Variants in RAB43 observed in about 807,000 individuals in gnomAD.
RAB43 encodes the protein RAB43, member RAS oncogene family, also known as ras-related protein Rab-43.
A neutral mutation model predicts 18.8 loss-of-function variants in RAB43; 6 were observed. The ratio of observed to expected loss-of-function variants is 0.32; its 90% CI spans 0.17 to 0.63. The LOEUF is 0.63. Ranked by LOEUF, RAB43 falls within the 30% of genes least tolerant of loss-of-function variation. The pLI is 0.79. For synonymous variants in RAB43, 103 were observed against 124.1 expected (o/e 0.83, Z 1.13); for missense variants, 195 against 289.1 (o/e 0.67, Z 2.36).
Position 129,090,403 on chromosome 3 carries a change from TCCCCACCTAGCTGTGGGCCGTGA to T in RAB43, c.*670_*692del, listed in dbSNP as rs1481099931. 1.4e-4 allele frequency: 20 copies of T among 141,488 alleles called. No individual in the cohort carries two copies. The highest frequency in any genetic ancestry group is 6.5e-4 in the East Asian group (3 of 4,608). 8.8% of individuals were successfully genotyped at this position (141,488 alleles called of 1,614,324 possible). On this transcript the variant is annotated 3_prime_UTR_variant, in exon 3 of 3. Transcript: ENST00000315150. ...CACTGGGCCCTGAGCCAGCAGACAG[TCCCCACCTAGCTGTGGGCCGTGA>T]CCCCACCTAGCTGTGGGCCGTGACC... is the stretch of plus-strand genomic sequence containing the variant.
At chr3:129,111,497 G>A (rs1289794094) in intron 1 of RAB43, among the ~76,000 whole-genome samples, 2 of 119,888 alleles carry the variant, frequency 1.7e-5, no homozygotes, top group Admixed American at 2.1e-4. Context: ...CTGGGTGATA[G>A]AGACTCTGTC....
Position 129,121,292 on chromosome 3 carries a change from C to T in RAB43, c.198G>A (p.Arg66=). Residue 66 remains arginine (R), a synonymous_variant, in exon 1 of 3, where the codon CGG becomes CGA. Transcript: ENST00000315150. ...GCCCTGGCCGGCCTCCCACCTTGAC[C>T]CGCTTGCCCTGGATCTCCAGCGTCT... The part of the protein sequence containing the change: ...TMKTLEIQGK[R]VKLQIWDTAG... 1 of 1,604,684 alleles carries T rather than the reference C, an allele frequency of 6.2e-7. No homozygotes were observed. The highest frequency in any genetic ancestry group is 1.7e-4 in the Middle Eastern group (1 of 6,004).
chr3:129,093,053 C>T (rs552943169), intron 2 of RAB43, among the ~76,000 whole-genome samples: 18 of 152,030 alleles, frequency 1.2e-4, no homozygotes, highest in Non-Finnish European at 2.1e-4. Flanking sequence ...GACAGTGGCA[C>T]GATCTCGGCT....
chr3:129,117,550 G>A (rs1935628361), intron 1 of RAB43, among the ~76,000 whole-genome samples: 1 of 152,144 alleles, frequency 6.6e-6, no homozygotes, highest in Non-Finnish European at 1.5e-5. Flanking sequence ...GTACAGCAGT[G>A]TCTCTGAGCC....
At chr3:129,117,539 C>T (rs1055270982) in intron 1 of RAB43, among the ~76,000 whole-genome samples, 3 of 152,234 alleles carry the variant, frequency 2.0e-5, no homozygotes, top group Non-Finnish European at 2.9e-5. Flanking sequence ...CTTACTGACT[C>T]GTACAGCAGT....
intron 1 of RAB43, among the ~76,000 whole-genome samples, chr3:129,116,845 C>T (rs1280574444): frequency 6.6e-6 from 1 of 151,420 alleles, no homozygotes; most frequent in Non-Finnish European, 1.5e-5. Context: ...AACGAGTTTA[C>T]ATAACAGGCC....
intron 1 of RAB43, among the ~76,000 whole-genome samples, chr3:129,114,616 G>C (rs1424962903): frequency 6.6e-6 from 1 of 152,176 alleles, no homozygotes; most frequent in East Asian, 1.9e-4. Flanking sequence ...AAACCGCCTA[G>C]CATGAGGTCT....
intron 1 of RAB43, among the ~76,000 whole-genome samples, chr3:129,101,383 T>C (rs1934404172): frequency 6.6e-6 from 1 of 152,060 alleles, no homozygotes; most frequent in African/African-American, 2.4e-5. Flanking sequence ...TCCCAGCCTC[T>C]GCTCTGGTAA....
chr3:129,098,256 C>G (rs2107990617), intron 1 of RAB43, among the ~76,000 whole-genome samples: 1 of 152,286 alleles, frequency 6.6e-6, no homozygotes, highest in East Asian at 1.9e-4. Flanking sequence ...CTCCATAGAC[C>G]TGCCCTCACC....
chr3:129,109,565 C>T (rs182639241), intron 1 of RAB43, among the ~76,000 whole-genome samples: 1,562 of 150,954 alleles, frequency 0.01, 37 homozygotes, highest in Non-Finnish European at 9.5e-3. Context: ...AGTGAAACCC[C>T]GTCTCTACTA....
chr3:129,093,340 G>C (rs1258932636), intron 2 of RAB43, among the ~76,000 whole-genome samples: 2 of 152,124 alleles, frequency 1.3e-5, no homozygotes, highest in Non-Finnish European at 2.9e-5. Context: ...GGCTGGGTGT[G>C]GTGGCTCACA....
At chr3:129,119,425 G>A (rs1478072930) in intron 1 of RAB43, among the ~76,000 whole-genome samples, 1 of 152,158 alleles carries the variant, frequency 6.6e-6, no homozygotes, top group African/African-American at 2.4e-5. Context: ...GGAGAAATCT[G>A]CTTTGGAGTC....
At chr3:129,094,101 G>C (rs1289418497) in intron 2 of RAB43, among the ~76,000 whole-genome samples, 1 of 152,310 alleles carries the variant, frequency 6.6e-6, no homozygotes, top group East Asian at 1.9e-4. Context: ...GACCAGCAAG[G>C]TGGGTGTCAC....
chr3:129,102,620 G>C (rs1361960613), intron 1 of RAB43, among the ~76,000 whole-genome samples: 1 of 2,718 alleles, frequency 3.7e-4, no homozygotes, highest in Non-Finnish European at 3.8e-3. Context: ...GACAGAGCGA[G>C]ACTCCATCTC....
At chr3:129,102,787 C>T (rs1020252409) in intron 1 of RAB43, among the ~76,000 whole-genome samples, 2 of 151,954 alleles carry the variant, frequency 1.3e-5, no homozygotes, top group Non-Finnish European at 2.9e-5. Flanking sequence ...CTTCCCCAGA[C>T]CAGACCCCTC....
intron 1 of RAB43, among the ~76,000 whole-genome samples, chr3:129,119,502 G>T (rs1023459114): frequency 6.6e-6 from 1 of 152,188 alleles, no homozygotes. Flanking sequence ...TCCATCCTGT[G>T]TGAGCGGGGG....
At chr3:129,091,785 G>T (rs1933676855) in intron 2 of RAB43, among the ~76,000 whole-genome samples, 1 of 152,016 alleles carries the variant, frequency 6.6e-6, no homozygotes, top group Non-Finnish European at 1.5e-5. Flanking sequence ...AAGAGTCTGG[G>T]CCAAGCGCAG....
At chr3:129,116,227 A>G (rs1356853455) in intron 1 of RAB43, among the ~76,000 whole-genome samples, 1 of 152,194 alleles carries the variant, frequency 6.6e-6, no homozygotes, top group East Asian at 1.9e-4. Flanking sequence ...TCCATTGAGG[A>G]TAAGATTTAA....
intron 1 of RAB43, among the ~76,000 whole-genome samples, chr3:129,103,267 G>A (rs1363775382): frequency 6.6e-6 from 1 of 152,036 alleles, no homozygotes; most frequent in East Asian, 1.9e-4. Context: ...CCTCCCTACC[G>A]CCACTCCAGC....
Sources: gnomAD v4.1 joint callset for allele counts (sites outside exome capture counted in the v4.1 genomes callset) on GRCh38, gnomAD v4.1.1 for gene constraint, MANE v1.5 for transcripts, NCBI Gene and HGNC (gene_info 2026-07-23, HGNC 2026-07-21) for gene names.